The following THSD7B variants were observed in gnomAD, a reference collection of about 807,000 sequenced individuals.
The protein encoded by THSD7B is thrombospondin type 1 domain containing 7B, also known as thrombospondin type-1 domain-containing protein 7B.
THSD7B carries 138 observed loss-of-function variants against 213.6 expected under a neutral mutation model. That is an observed-to-expected ratio of 0.65 (90% CI 0.56 to 0.74). The LOEUF (loss-of-function observed/expected upper bound fraction) is 0.74. Among genes scored for constraint, THSD7B ranks in the 30% least tolerant of loss-of-function variants. The pLI, the probability that THSD7B is intolerant of heterozygous loss-of-function variation, is 0.00. For missense variants in THSD7B, 1,931 were observed against 1,991.5 expected (o/e 0.97, Z 0.58); for synonymous variants, 742 against 687.0 (o/e 1.08, Z -1.25).
At chr2:137,356,548 T>G (rs2104928164) in intron 12 of THSD7B, among the ~76,000 whole-genome samples, 1 of 152,320 alleles carries the variant, frequency 6.6e-6, no homozygotes, top group Middle Eastern at 3.4e-3. Flanking sequence ...CCAACACTGA[T>G]TCTGTACTTG....
chr2:137,175,393 C>G (rs913120580), intron 7 of THSD7B, among the ~76,000 whole-genome samples: 2 of 152,188 alleles, frequency 1.3e-5, no homozygotes, highest in African/African-American at 4.8e-5. Flanking sequence ...TCACAAAGAA[C>G]AAAGTTCACA....
At chr2:137,343,151 G>GT (rs1684801056) in intron 12 of THSD7B, among the ~76,000 whole-genome samples, 1 of 149,734 alleles carries the variant, frequency 6.7e-6, no homozygotes, top group Admixed American at 6.7e-5. Context: ...AGAGTTTTGT[G>GT]TTTTTTTGTT....
intron 2 of THSD7B, among the ~76,000 whole-genome samples, chr2:137,012,036 A>G (rs1158657693): frequency 6.6e-6 from 1 of 152,210 alleles, no homozygotes; most frequent in Non-Finnish European, 1.5e-5. Context: ...AGCATCAGCA[A>G]TCCTATTCAC....
chr2:137,152,662 A>G (rs1679841610), intron 5 of THSD7B, among the ~76,000 whole-genome samples: 1 of 152,222 alleles, frequency 6.6e-6, no homozygotes, highest in South Asian at 2.1e-4. Context: ...AACATTAGTT[A>G]AATAGGCACT....
intron 10 of THSD7B, among the ~76,000 whole-genome samples, chr2:137,265,009 G>GATGTTCCC (rs1558978375): frequency 2.0e-5 from 3 of 151,948 alleles, no homozygotes; most frequent in African/African-American, 7.2e-5. Flanking sequence ...CCCAGAGTGT[G>GATGTTCCC]ATGTTCCCCT....
At chr2:137,543,347 A>G (rs1420316108) in intron 15 of THSD7B, among the ~76,000 whole-genome samples, 1 of 151,870 alleles carries the variant, frequency 6.6e-6, no homozygotes, top group Non-Finnish European at 1.5e-5. Context: ...ACTGTTGTTC[A>G]GCTTAACACA....
intron 2 of THSD7B, among the ~76,000 whole-genome samples, chr2:136,934,598 A>G (rs1452356656): frequency 6.6e-6 from 1 of 152,216 alleles, no homozygotes; most frequent in Non-Finnish European, 1.5e-5. Flanking sequence ...GAAGCTCAGT[A>G]TCTTCTGTAG....
At chr2:137,405,942 C>A in intron 13 of THSD7B, 135 bp downstream of exon 13, 1 of 695,784 alleles carries the variant, frequency 1.4e-6, no homozygotes, top group Non-Finnish European at 2.3e-6. Context: ...TACATATCCT[C>A]AAACTCAGAA....
At chr2:137,510,184 A>AT (rs552395546) in intron 15 of THSD7B, among the ~76,000 whole-genome samples, 2 of 151,952 alleles carry the variant, frequency 1.3e-5, no homozygotes, top group African/African-American at 2.4e-5. Flanking sequence ...TCCGTCATTT[A>AT]TTTTTTATTC....
intron 2 of THSD7B, among the ~76,000 whole-genome samples, chr2:136,912,498 T>A (rs766776107): frequency 2.6e-5 from 4 of 152,060 alleles, no homozygotes; most frequent in Non-Finnish European, 5.9e-5. Flanking sequence ...TCTATTTGCT[T>A]TGGTTTTATC....
At chr2:137,102,678 T>G (rs1048723728) in intron 4 of THSD7B, among the ~76,000 whole-genome samples, 1 of 152,114 alleles carries the variant, frequency 6.6e-6, no homozygotes, top group African/African-American at 2.4e-5. Context: ...ATAACCAGTT[T>G]AGAGAAGAAT....
At chr2:136,959,239 T>C (rs948417119) in intron 2 of THSD7B, among the ~76,000 whole-genome samples, 1 of 152,236 alleles carries the variant, frequency 6.6e-6, no homozygotes, top group Admixed American at 6.5e-5. Context: ...CTTCTTTGTC[T>C]GATAGTGCAG....
chr2:137,041,049 G>T (rs890629184), intron 2 of THSD7B, among the ~76,000 whole-genome samples: 2 of 152,170 alleles, frequency 1.3e-5, no homozygotes, highest in Non-Finnish European at 2.9e-5. Context: ...TCTAGTCCAT[G>T]ATTTAATTAT....
chr2:137,569,010 G>T (rs1681298736), intron 16 of THSD7B, among the ~76,000 whole-genome samples: 1 of 152,192 alleles, frequency 6.6e-6, no homozygotes, highest in Non-Finnish European at 1.5e-5. Flanking sequence ...GTGATGGGAA[G>T]ATTTTCTTAG....
Position 137,620,676 on chromosome 2 carries a change from T to C in THSD7B, c.3749T>C (p.Leu1250Pro), listed in dbSNP as rs751876185. 6 of 1,614,000 alleles carry C rather than the reference T, an allele frequency of 3.7e-6. No homozygotes were observed. Among genetic ancestry groups the C allele is most frequent in the South Asian group, 2.2e-5 (2 of 91,090 alleles). Residue 1250 changes from leucine (L) to proline (P), a missense_variant, in exon 20 of 28, where the codon CTC becomes CCC. Leu to Pro is a moderately conservative substitution (Grantham distance 98). Coordinates refer to ENST00000409968, the MANE Select transcript of THSD7B (RefSeq NM_001316349.2). ...CLVECVVNCQLSGWTAWTECS... is the reference protein window; with the variant it reads ...CLVECVVNCQPSGWTAWTECS... Reference sequence around the variant, plus strand: ...GTGGAATGCGTGGTCAACTGTCAGCTCTCAGGGTGGACGGCTTGGACAGAG... The same window carrying C: ...GTGGAATGCGTGGTCAACTGTCAGCCCTCAGGGTGGACGGCTTGGACAGAG...
intron 12 of THSD7B, among the ~76,000 whole-genome samples, chr2:137,379,729 A>AT (rs1685732044): frequency 6.6e-6 from 1 of 152,222 alleles, no homozygotes; most frequent in African/African-American, 2.4e-5. Flanking sequence ...AAGCTCTAGT[A>AT]TTAAAGTCAG....
In THSD7B at chr2:137,374,784, A is replaced by G. The variant is rs1051974415; in HGVS notation, c.2501-30829A>G. 1.8e-4 allele frequency among the ~76,000 whole-genome samples: 28 copies of G among 152,304 alleles called. 1 individual carries two copies. Among genetic ancestry groups the G allele is most frequent in the Admixed American group, 1.4e-3 (22 of 15,284 alleles). On this transcript the variant is annotated intron_variant, in intron 12 of 27. Transcript: ENST00000409968. ...ACATGCTTGTGCCCATAATGTGTTC[A>G]TGGAGTATTAGGGCTGGAAGGGACC...
At chr2:137,496,980 T>TA (rs1679583039) in intron 15 of THSD7B, among the ~76,000 whole-genome samples, 1 of 152,156 alleles carries the variant, frequency 6.6e-6, no homozygotes, top group African/African-American at 2.4e-5. Flanking sequence ...ATGTGATTCT[T>TA]TGTATGTCCA....
intron 7 of THSD7B, among the ~76,000 whole-genome samples, chr2:137,178,273 A>G (rs762106915): frequency 2.6e-5 from 4 of 152,032 alleles, no homozygotes; most frequent in Non-Finnish European, 5.9e-5. Context: ...TTGCAGGAAC[A>G]GAAGACACGC....
Sources: gnomAD v4.1 joint callset for allele counts (sites outside exome capture counted in the v4.1 genomes callset) on GRCh38, gnomAD v4.1.1 for gene constraint, MANE v1.5 for transcripts, NCBI Gene and HGNC (gene_info 2026-07-23, HGNC 2026-07-21) for gene names.